The following GABRG3 variants were observed in gnomAD, a reference collection of about 807,000 sequenced individuals.
GABRG3 encodes the protein gamma-aminobutyric acid receptor subunit gamma-3.
A neutral mutation model predicts 48.8 loss-of-function variants in GABRG3; 25 were observed. The observed-to-expected ratio is 0.51, with a 90% confidence interval of 0.37 to 0.72. The LOEUF (loss-of-function observed/expected upper bound fraction) is 0.72. Ranked by LOEUF, GABRG3 falls within the 30% of genes least tolerant of loss-of-function variation. GABRG3 has a pLI of 0.00. For missense variants in GABRG3, 394 were observed against 577.9 expected (o/e 0.68, Z 3.26); for synonymous variants, 227 against 217.6 (o/e 1.04, Z -0.38).
At chr15:27,125,170 G>A (rs915970778) in intron 3 of GABRG3, among the ~76,000 whole-genome samples, 3 of 152,164 alleles carry the variant, frequency 2.0e-5, no homozygotes, top group Non-Finnish European at 2.9e-5. Context: ...CAAATGAAAT[G>A]TATCGCTGTT....
chr15:27,244,698 G>A (rs1015360595), intron 3 of GABRG3, among the ~76,000 whole-genome samples: 3 of 152,074 alleles, frequency 2.0e-5, no homozygotes, highest in Non-Finnish European at 2.9e-5. Flanking sequence ...TGGGAGGATC[G>A]CTTGAGCCCA....
At chr15:27,037,737 G>A (rs748853270) in intron 3 of GABRG3, among the ~76,000 whole-genome samples, 22 of 152,152 alleles carry the variant, frequency 1.4e-4, no homozygotes, top group African/African-American at 3.4e-4. Context: ...TTCTGTGCCC[G>A]AGCTGTCTTA....
At chr15:27,061,977 C>A (rs2140723786) in intron 3 of GABRG3, among the ~76,000 whole-genome samples, 1 of 152,308 alleles carries the variant, frequency 6.6e-6, no homozygotes, top group Admixed American at 6.5e-5. Flanking sequence ...AAGCTGAAAT[C>A]AGCCTCCTCC....
chr15:27,536,666 G>A lies in GABRG3; in HGVS notation c.*3785G>A, dbSNP rs530980021. ...AATGTCAGCAACACAGTCCTGATGG[G>A]GATGAGTGTCTCTAATAGAAACTCC... is the stretch of plus-strand genomic sequence containing the variant. On this transcript the variant is annotated 3_prime_UTR_variant, in exon 10 of 10. Transcript: ENST00000615808. The A allele has an allele frequency of 1.6e-4, 24 of 152,080 alleles. No homozygotes were observed. Among genetic ancestry groups the A allele is most frequent in the African/African-American group, 5.3e-4 (22 of 41,394 alleles). 9.4% of individuals were successfully genotyped at this position (152,080 alleles called of 1,614,324 possible). A position where few individuals can be genotyped will look rare whatever the true frequency, so the allele number is the denominator to read the frequency against.
chr15:27,253,663 G>A (rs545315461), intron 3 of GABRG3, among the ~76,000 whole-genome samples: 2 of 152,244 alleles, frequency 1.3e-5, no homozygotes, highest in Non-Finnish European at 2.9e-5. Flanking sequence ...GAGTTCAGGC[G>A]CCCACAGCCC....
In GABRG3 at chr15:27,115,536, C is replaced by G. The variant is rs539672671; in HGVS notation, c.270+88715C>G. Among the ~76,000 whole-genome samples the G allele has an allele frequency of 1.7e-3, 262 of 152,284 alleles. 4 individuals carry two copies. Among genetic ancestry groups the G allele is most frequent in the African/African-American group, 6.1e-3 (253 of 41,564 alleles). ...TGCTGAAAAGTTGGTACGAATCCCC[C>G]AAAACTCCTTGGATCTGTGTTTGCC... On this transcript the variant is annotated intron_variant, in intron 3 of 9. Transcript: ENST00000615808.
At chr15:27,269,500 A>G (rs1450244518) in intron 3 of GABRG3, among the ~76,000 whole-genome samples, 1 of 152,218 alleles carries the variant, frequency 6.6e-6, no homozygotes, top group East Asian at 1.9e-4. Flanking sequence ...TCCTCTAACC[A>G]TCACTTCCCC....
chr15:27,040,047 G>T (rs1171434759), intron 3 of GABRG3, among the ~76,000 whole-genome samples: 2 of 152,212 alleles, frequency 1.3e-5, no homozygotes, highest in Non-Finnish European at 2.9e-5. Context: ...CCATTGGCCT[G>T]GGCCGCTGCC....
At chr15:27,028,412 C>G (rs1047913749) in intron 3 of GABRG3, among the ~76,000 whole-genome samples, 1 of 152,142 alleles carries the variant, frequency 6.6e-6, no homozygotes, top group African/African-American at 2.4e-5. Flanking sequence ...AGTTAAGGGT[C>G]GGACCTCAGC....
chr15:27,347,146 T>C (rs999914099), intron 5 of GABRG3, among the ~76,000 whole-genome samples: 1 of 152,228 alleles, frequency 6.6e-6, no homozygotes, highest in Admixed American at 6.5e-5. Context: ...AATATTTTTC[T>C]AGCATCCTTG....
chr15:27,474,230 A>C (rs1889867623), intron 5 of GABRG3, among the ~76,000 whole-genome samples: 1 of 152,214 alleles, frequency 6.6e-6, no homozygotes, highest in Non-Finnish European at 1.5e-5. Context: ...AATATCACAA[A>C]TATACCCAAT....
At chr15:27,018,578 G>C (rs533822877) in intron 2 of GABRG3, among the ~76,000 whole-genome samples, 1 of 152,252 alleles carries the variant, frequency 6.6e-6, no homozygotes, top group South Asian at 2.1e-4. Flanking sequence ...GTTTGGGAAA[G>C]GAGTGAGGGC....
At chr15:27,510,852 T>A (rs925763965) in intron 6 of GABRG3, among the ~76,000 whole-genome samples, 2 of 152,252 alleles carry the variant, frequency 1.3e-5, no homozygotes, top group Non-Finnish European at 2.9e-5. Context: ...AAAAACTGAT[T>A]GTAATAAAAA....
rs77007427 is a variant in GABRG3, at chr15:27,516,934, C to T, written c.713-3038C>T. The stretch of plus-strand genomic sequence containing the variant: ...TAACAAGTTTCAGGTCCTGACTTTC[C>T]TCTGAATATGAGCTGAGGAAGAAGT... On this transcript the variant is annotated intron_variant, in intron 6 of 9. Coordinates refer to ENST00000615808, the MANE Select transcript of GABRG3 (RefSeq NM_033223.5). 3.4e-3 allele frequency among the ~76,000 whole-genome samples: 519 copies of T among 152,288 alleles called. 4 individuals are homozygous for T. The highest frequency in any genetic ancestry group is 0.012 in the African/African-American group (509 of 41,558).
chr15:27,099,449 C>T (rs940584209), intron 3 of GABRG3, among the ~76,000 whole-genome samples: 1 of 152,062 alleles, frequency 6.6e-6, no homozygotes, highest in Non-Finnish European at 1.5e-5. Flanking sequence ...TTTGTTTGTG[C>T]CTGTGTTCAA....
At chr15:27,047,935 G>A (rs1223873281) in intron 3 of GABRG3, among the ~76,000 whole-genome samples, 1 of 152,212 alleles carries the variant, frequency 6.6e-6, no homozygotes, top group Admixed American at 6.5e-5. Context: ...AATTTAAATT[G>A]TGAAATAACT....
rs1889970421 is a variant in GABRG3 at position 27,236,483 on chromosome 15, T to C, written c.271-90326T>C. ...CTTCCTCAGTAACCTTTCACCAGAA[T>C]TCTCTCTAAGCAGGAAGCAGAAACC... is the stretch of plus-strand genomic sequence containing the variant. On this transcript the variant is annotated intron_variant, in intron 3 of 9. Transcript: ENST00000615808. The surrounding 1 kb of genome is among the most constrained non-coding windows in gnomAD (Gnocchi z 4.4). Among the ~76,000 whole-genome samples the C allele has an allele frequency of 6.6e-6, 1 of 152,164 alleles. No individual in the cohort carries two copies. Among genetic ancestry groups the C allele is most frequent in the South Asian group, 2.1e-4 (1 of 4,830 alleles).
intron 5 of GABRG3, among the ~76,000 whole-genome samples, chr15:27,424,833 C>T (rs144574367): frequency 5.9e-5 from 9 of 152,180 alleles, no homozygotes; most frequent in South Asian, 2.1e-4. Context: ...GGATTACAGG[C>T]GTGAACCACC....
At chr15:27,065,707 C>T (rs1032331451) in intron 3 of GABRG3, among the ~76,000 whole-genome samples, 9 of 152,240 alleles carry the variant, frequency 5.9e-5, no homozygotes, top group East Asian at 3.8e-4. Context: ...AGCAGCCTTC[C>T]GGCAGTCACC....
Sources: gnomAD v4.1 joint callset for allele counts (sites outside exome capture counted in the v4.1 genomes callset) on GRCh38, gnomAD v4.1.1 for gene constraint, Gnocchi (gnomAD v3.1) non-coding constraint, MANE v1.5 for transcripts, NCBI Gene and HGNC (gene_info 2026-07-23, HGNC 2026-07-21) for gene names.